Variants in TMEM117 observed in about 807,000 individuals in gnomAD.
TMEM117 encodes transmembrane protein 117.
Under a neutral mutation model 52.4 loss-of-function variants are expected in TMEM117, and 27 were observed. That is an observed-to-expected ratio of 0.51 (90% confidence interval 0.38 to 0.71). The LOEUF (loss-of-function observed/expected upper bound fraction) is 0.71. Among genes scored for constraint, TMEM117 ranks in the 30% least tolerant of loss-of-function variants. The pLI is 0.00. For missense variants in TMEM117, 556 were observed against 630.5 expected, an observed-to-expected ratio of 0.88 and a Z score of 1.26; for synonymous variants, 215 against 206.3, an observed-to-expected ratio of 1.04 and a Z score of -0.36.
intron 3 of TMEM117, among the ~76,000 whole-genome samples, chr12:43,977,100 G>A (rs896773654): frequency 1.3e-5 from 2 of 152,174 alleles, no homozygotes; most frequent in African/African-American, 4.8e-5. Context: ...TGTAGCAGGT[G>A]CAGGTTGCAG....
At chr12:44,220,253 G>A (rs1450980801) in intron 5 of TMEM117, among the ~76,000 whole-genome samples, 1 of 152,098 alleles carries the variant, frequency 6.6e-6, no homozygotes, top group African/African-American at 2.4e-5. Context: ...TTACATGTTT[G>A]CTAGAATTGA....
At chr12:44,342,554 G>A (rs1300375499) in intron 6 of TMEM117, among the ~76,000 whole-genome samples, 1 of 151,404 alleles carries the variant, frequency 6.6e-6, no homozygotes, top group Non-Finnish European at 1.5e-5. Context: ...AGGTCAGCCT[G>A]CAACAATTTG....
intron 3 of TMEM117, among the ~76,000 whole-genome samples, chr12:44,001,055 T>G (rs1469189947): frequency 6.6e-6 from 1 of 152,064 alleles, no homozygotes; most frequent in Non-Finnish European, 1.5e-5. Flanking sequence ...GACCCAGAGG[T>G]CTTCGACTCC....
At chr12:44,147,383 T>G (rs1298196124) in intron 4 of TMEM117, among the ~76,000 whole-genome samples, 5 of 152,158 alleles carry the variant, frequency 3.3e-5, no homozygotes, top group Non-Finnish European at 7.3e-5. Flanking sequence ...TGATGAGGTC[T>G]AAGGTGGCAG....
chr12:43,806,406 C>G, the TMEM117 span: 1 of 1,155,958 alleles, frequency 8.7e-7, no homozygotes, highest in Non-Finnish European at 1.1e-6. Flanking sequence ...CGAGCGTCCC[C>G]GCCGCCCCGC....
chr12:44,179,843 A>G (rs1949166790), intron 4 of TMEM117, among the ~76,000 whole-genome samples: 1 of 152,140 alleles, frequency 6.6e-6, no homozygotes, highest in African/African-American at 2.4e-5. Flanking sequence ...TGTAATAACA[A>G]ATAACCCAAA....
At chr12:44,358,215 G>T (rs1248470292) in intron 6 of TMEM117, among the ~76,000 whole-genome samples, 2 of 151,898 alleles carry the variant, frequency 1.3e-5, no homozygotes, top group African/African-American at 4.8e-5. Context: ...TAACTATTGG[G>T]CACTATGCTC....
chr12:44,306,334 T>C (rs982796619), intron 6 of TMEM117, among the ~76,000 whole-genome samples: 3 of 152,220 alleles, frequency 2.0e-5, no homozygotes, highest in African/African-American at 7.2e-5. Context: ...ATGATAAACC[T>C]AGCAGAAATC....
At chr12:43,945,293 A>G (rs1027435976) in intron 3 of TMEM117, among the ~76,000 whole-genome samples, 1 of 152,074 alleles carries the variant, frequency 6.6e-6, no homozygotes, top group Non-Finnish European at 1.5e-5. Flanking sequence ...TTGGTCTTTC[A>G]GTATAATTTC....
At chr12:44,212,955 G>A (rs75598171) in intron 5 of TMEM117, among the ~76,000 whole-genome samples, 2,886 of 152,022 alleles carry the variant, frequency 0.019, 77 homozygotes, top group East Asian at 0.057. Flanking sequence ...AAACAAAAGT[G>A]GATTTTCAAT....
At chr12:44,187,347 A>G (rs1949292386) in intron 4 of TMEM117, among the ~76,000 whole-genome samples, 1 of 152,028 alleles carries the variant, frequency 6.6e-6, no homozygotes, top group Admixed American at 6.6e-5. Context: ...AAAATATACT[A>G]TTTTATATTA....
intron 6 of TMEM117, among the ~76,000 whole-genome samples, chr12:44,375,652 T>C (rs1048045931): frequency 1.3e-5 from 2 of 152,208 alleles, no homozygotes; most frequent in African/African-American, 4.8e-5. Flanking sequence ...CTCAAATTAA[T>C]ATTTTGTTTC....
chr12:44,275,526 C>G (rs923420246), intron 5 of TMEM117, among the ~76,000 whole-genome samples: 16 of 151,918 alleles, frequency 1.1e-4, no homozygotes, highest in Admixed American at 1.0e-3. Flanking sequence ...TTCACAATAG[C>G]CACGATTTGG....
the TMEM117 span, among the ~76,000 whole-genome samples, chr12:43,816,829 G>T: frequency 6.6e-6 from 1 of 152,194 alleles, no homozygotes; most frequent in South Asian, 2.1e-4. Flanking sequence ...ACTATAATAT[G>T]ATGCCAGCAT....
At chr12:44,226,674 G>A (rs1375940393) in intron 5 of TMEM117, among the ~76,000 whole-genome samples, 1 of 152,070 alleles carries the variant, frequency 6.6e-6, no homozygotes, top group East Asian at 1.9e-4. Flanking sequence ...GTGGGCCCTA[G>A]TCTGATATGA....
intron 3 of TMEM117, among the ~76,000 whole-genome samples, chr12:43,956,239 CTT>C (rs925296275): frequency 2.6e-5 from 4 of 152,152 alleles, no homozygotes; most frequent in African/African-American, 9.6e-5. Flanking sequence ...TGGGCAAAGA[CTT>C]TATGATGAAA....
chr12:44,096,714 C>A (rs984219931), intron 3 of TMEM117, among the ~76,000 whole-genome samples: 3 of 152,108 alleles, frequency 2.0e-5, no homozygotes, highest in African/African-American at 7.2e-5. Flanking sequence ...AAAATTAATT[C>A]AAGATGGATT....
At chr12:44,364,426 T>G (rs1951763194) in intron 6 of TMEM117, among the ~76,000 whole-genome samples, 1 of 152,138 alleles carries the variant, frequency 6.6e-6, no homozygotes, top group Admixed American at 6.5e-5. Context: ...ATGACACATT[T>G]CATTAGAAAT....
At chr12:43,819,787 A>C in the TMEM117 span, among the ~76,000 whole-genome samples, 2 of 152,042 alleles carry the variant, frequency 1.3e-5, no homozygotes, top group African/African-American at 4.8e-5. Context: ...AAAAAGAGAG[A>C]AAGAGAGAGA....
Sources: gnomAD v4.1 joint callset for allele counts (sites outside exome capture counted in the v4.1 genomes callset) on GRCh38, gnomAD v4.1.1 for gene constraint, MANE v1.5 for transcripts, NCBI Gene and HGNC (gene_info 2026-07-23, HGNC 2026-07-21) for gene names.